GPC4: variants seen among roughly 807,000 people sequenced by gnomAD.
The protein encoded by GPC4 is glypican 4, also known as glypican-4.
Under a neutral mutation model 35.0 loss-of-function variants are expected in GPC4, and 10 were observed. The ratio of observed to expected loss-of-function variants is 0.29; its 90% confidence interval spans 0.18 to 0.48. The LOEUF is 0.48. GPC4 is among the 20% of genes least tolerant of loss of function. GPC4 has a pLI of 0.99. For synonymous variants in GPC4, 167 were observed against 170.2 expected (o/e 0.98, Z 0.15); for missense variants, 322 against 451.3 (o/e 0.71, Z 2.60).
At chrX:133,333,847 G>A (rs766251144) in intron 2 of GPC4, among the ~76,000 whole-genome samples, 1 of 112,467 alleles carries the variant, frequency 8.9e-6, no homozygotes, top group Non-Finnish European at 1.9e-5. Context: ...TGAAATGTGA[G>A]GTGAGGATTA....
In GPC4 at chrX:133,329,368, G is replaced by C. The variant is rs189014876; in HGVS notation, c.320-4832C>G. ...CTTTAAAAAAAATCTTTAAAGACTG[G>C]TTTTTATCTTTCCTAGTGGAGTCAA... On this transcript the variant is annotated intron_variant, in intron 2 of 8. Transcript: ENST00000370828. Among the ~76,000 whole-genome samples the C allele has an allele frequency of 1.2e-4, 13 of 112,081 alleles. No homozygotes were observed. The East Asian group carries it at 1.7e-3, about 14-fold the overall frequency.
At chrX:133,363,775 C>T (rs1484239871) in intron 1 of GPC4, among the ~76,000 whole-genome samples, 1 of 111,330 alleles carries the variant, frequency 9.0e-6, no homozygotes, top group Non-Finnish European at 1.9e-5. Flanking sequence ...TATCTAATCC[C>T]AGAACATTTC....
intron 1 of GPC4, among the ~76,000 whole-genome samples, chrX:133,385,080 C>T (rs766334223): frequency 7.1e-5 from 8 of 112,222 alleles, no homozygotes; most frequent in Non-Finnish European, 1.1e-4. Context: ...AGGATTACCT[C>T]GTTATCACTG....
intron 1 of GPC4, among the ~76,000 whole-genome samples, chrX:133,379,291 C>T (rs1030864492): frequency 3.6e-5 from 4 of 112,108 alleles, no homozygotes; most frequent in African/African-American, 9.7e-5. Context: ...CAGTAGATTA[C>T]GCTAAGTGAA....
chrX:133,319,321 G>A (rs1342736225), intron 3 of GPC4, among the ~76,000 whole-genome samples: 1 of 107,337 alleles, frequency 9.3e-6, no homozygotes, highest in African/African-American at 3.4e-5. Flanking sequence ...GCACGTGCCT[G>A]TAGTGCTAGC....
intron 2 of GPC4, among the ~76,000 whole-genome samples, chrX:133,335,741 A>G (rs181661660): frequency 8.9e-6 from 1 of 112,417 alleles, no homozygotes; most frequent in East Asian, 2.8e-4. Flanking sequence ...ACAAGCCCCC[A>G]AACTTTATTT....
At chrX:133,335,423 C>T (rs1234802048) in intron 2 of GPC4, among the ~76,000 whole-genome samples, 2 of 111,259 alleles carry the variant, frequency 1.8e-5, no homozygotes, top group Non-Finnish European at 3.8e-5. Context: ...GAAGTGTTCT[C>T]TTGTACGTCA....
At chrX:133,348,502 G>A (rs186398370) in intron 1 of GPC4, among the ~76,000 whole-genome samples, 30 of 112,631 alleles carry the variant, frequency 2.7e-4, no homozygotes, top group Non-Finnish European at 1.5e-4. Context: ...GGGACCTTGC[G>A]GGATAGCAAG....
At position 133,331,246 on chromosome X, in the gene GPC4, T is replaced by A. The variant is rs774928103; in HGVS notation, c.320-6710A>T. Among the ~76,000 whole-genome samples, 12 of 111,595 alleles carry A rather than the reference T, an allele frequency of 1.1e-4. No individual in the cohort carries two copies. In the South Asian group the frequency reaches 3.9e-3, roughly 36 times the overall value. ...CTTTTGCTGGGCATCATTCCATTTC[T>A]ACTAAGGGCACTCTCAGTACCAGCT... On this transcript the variant is annotated intron_variant, in intron 2 of 8. Transcript: ENST00000370828.
chrX:133,347,805 C>T (rs988073998), intron 1 of GPC4, among the ~76,000 whole-genome samples: 1 of 111,805 alleles, frequency 8.9e-6, no homozygotes, highest in African/African-American at 3.3e-5. Flanking sequence ...AGTCATCTGA[C>T]CTTAATAACA....
chrX:133,336,380 C>T (rs750662165), intron 2 of GPC4, among the ~76,000 whole-genome samples: 166 of 110,847 alleles, frequency 1.5e-3, no homozygotes, highest in Admixed American at 2.2e-3. Context: ...ACTAAAAATA[C>T]AAAAATTAGC....
At chrX:133,318,537 A>C (rs1416696027) in intron 3 of GPC4, among the ~76,000 whole-genome samples, 1 of 112,006 alleles carries the variant, frequency 8.9e-6, no homozygotes, top group Non-Finnish European at 1.9e-5. Flanking sequence ...TGAGGCACTG[A>C]TTTCTAATTA....
chrX:133,408,090 T>C (rs2068797397), intron 1 of GPC4, among the ~76,000 whole-genome samples: 1 of 112,790 alleles, frequency 8.9e-6, no homozygotes, highest in Non-Finnish European at 1.9e-5. Flanking sequence ...AACTTAAACA[T>C]AATATTTCAA....
At chrX:133,394,822 G>C (rs1332590298) in intron 1 of GPC4, among the ~76,000 whole-genome samples, 2 of 111,735 alleles carry the variant, frequency 1.8e-5, no homozygotes, top group Non-Finnish European at 3.8e-5. Flanking sequence ...TTTCTCACCT[G>C]TTGTTTTGGT....
chrX:133,377,877 C>CT (rs59474368), intron 1 of GPC4, among the ~76,000 whole-genome samples: 19 of 86,139 alleles, frequency 2.2e-4, no homozygotes, highest in South Asian at 1.2e-3. Context: ...TTTTCTTTTT[C>CT]TTTTTTTTTT....
At chrX:133,358,831 C>A (rs1325185664) in intron 1 of GPC4, among the ~76,000 whole-genome samples, 1 of 111,152 alleles carries the variant, frequency 9.0e-6, no homozygotes. Flanking sequence ...TTCCTCTACT[C>A]AGCTTTAGAT....
intron 1 of GPC4, among the ~76,000 whole-genome samples, chrX:133,414,019 C>T (rs1467546788): frequency 9.0e-6 from 1 of 111,330 alleles, no homozygotes; most frequent in East Asian, 2.8e-4. Flanking sequence ...GTAATCAGTC[C>T]TTTCAAAGGT....
intron 1 of GPC4, among the ~76,000 whole-genome samples, chrX:133,394,510 G>A (rs188993154): frequency 1.7e-3 from 191 of 110,752 alleles, no homozygotes; most frequent in Non-Finnish European, 2.7e-3. Flanking sequence ...AGGGGCTGAA[G>A]AAGAAGAGAA....
At chrX:133,399,163 CCAAT>C (rs1463484773) in intron 1 of GPC4, among the ~76,000 whole-genome samples, 1 of 111,916 alleles carries the variant, frequency 8.9e-6, no homozygotes, top group Non-Finnish European at 1.9e-5. Context: ...GAGCCACCCA[CCAAT>C]CAAATGACAG....
Sources: allele counts gnomAD v4.1 joint callset (sites outside exome capture counted in the v4.1 genomes callset), GRCh38; gene constraint gnomAD v4.1.1; transcripts MANE v1.5; gene names NCBI Gene and HGNC (gene_info 2026-07-23, HGNC 2026-07-21).